ZNF713: variants seen among roughly 807,000 people sequenced by gnomAD.
ZNF713 encodes the protein zinc finger protein 713.
ZNF713 carries 21 observed loss-of-function variants against 28.7 expected under a neutral mutation model. The ratio of observed to expected loss-of-function variants is 0.73; its 90% CI spans 0.52 to 1.05. The LOEUF (loss-of-function observed/expected upper bound fraction) is 1.05. ZNF713 is among the 50% of genes least tolerant of loss of function. ZNF713 has a pLI of 0.00. For synonymous variants in ZNF713, 167 were observed against 178.0 expected (o/e 0.94, Z 0.49); for missense variants, 458 against 532.4 (o/e 0.86, Z 1.37).
At chr7:55,900,386 C>T (rs191686160) in intron 1 of ZNF713, among the ~76,000 whole-genome samples, 5 of 151,712 alleles carry the variant, frequency 3.3e-5, no homozygotes, top group East Asian at 1.9e-4. Context: ...GAGAAGTGCT[C>T]GAACCCGGGA....
At chr7:55,889,293 A>G (rs1158640802) in intron 1 of ZNF713, among the ~76,000 whole-genome samples, 1 of 151,874 alleles carries the variant, frequency 6.6e-6, no homozygotes, top group Admixed American at 6.6e-5. Context: ...GTAGAGACGG[A>G]GTTTCATCAT....
In ZNF713 at chr7:55,900,222, C is replaced by T. The variant is rs1322507172; in HGVS notation, c.-582-6031C>T. On this transcript the variant is annotated intron_variant, in intron 1 of 6. Transcript: ENST00000429591. ...GTGGCTCACCCCTGTAATCGCAGCA[C>T]TTTCTGGGAGGCCGAGGCAGGCGGA... Among the ~76,000 whole-genome samples the T allele has an allele frequency of 2.0e-5, 3 of 152,144 alleles. No individual in the cohort carries two copies. In the East Asian group the frequency reaches 5.8e-4, roughly 29 times the overall value.
intron 4 of ZNF713, among the ~76,000 whole-genome samples, chr7:55,917,435 C>T (rs759439922): frequency 6.6e-6 from 1 of 151,996 alleles, no homozygotes; most frequent in Non-Finnish European, 1.5e-5. Context: ...GACAGTGGCT[C>T]ATGCCTGTAA....
At chr7:55,909,373 A>G (rs1269503199) in intron 2 of ZNF713, among the ~76,000 whole-genome samples, 1 of 152,068 alleles carries the variant, frequency 6.6e-6, no homozygotes, top group African/African-American at 2.4e-5. Flanking sequence ...TATATGGATT[A>G]GCTATTCTGT....
Position 55,898,933 on chromosome 7 carries a change from C to T in ZNF713, c.-582-7320C>T, listed in dbSNP as rs1031821464. Among the ~76,000 whole-genome samples, 5 of 152,058 alleles carry T rather than the reference C, an allele frequency of 3.3e-5. 1 individual carries two copies. Among genetic ancestry groups the T allele is most frequent in the Admixed American group, 3.3e-4 (5 of 15,268 alleles). On this transcript the variant is annotated intron_variant, in intron 1 of 6. Transcript: ENST00000429591. Reference sequence around the variant, plus strand: ...AGAGCACTCACCCCTGTTAGAATGGCTTATTATCAAAAAGACAAAAGATAA... The same window carrying T: ...AGAGCACTCACCCCTGTTAGAATGGTTTATTATCAAAAAGACAAAAGATAA...
chr7:55,915,092 A>G (rs557431137), intron 4 of ZNF713, among the ~76,000 whole-genome samples: 2 of 152,296 alleles, frequency 1.3e-5, no homozygotes, highest in East Asian at 3.9e-4. Flanking sequence ...CAGCCTCCCA[A>G]AGTATTGGGA....
intron 6 of ZNF713, among the ~76,000 whole-genome samples, chr7:55,932,357 C>T (rs1030918898): frequency 2.1e-5 from 3 of 145,010 alleles, no homozygotes; most frequent in East Asian, 4.1e-4. Context: ...AGGGAGACTT[C>T]GTCTCTACCA....
intron 4 of ZNF713, among the ~76,000 whole-genome samples, chr7:55,920,286 A>C (rs1052041546): frequency 1.3e-4 from 20 of 152,272 alleles, no homozygotes; most frequent in Non-Finnish European, 2.8e-4. Flanking sequence ...GAAATAGGCC[A>C]AAAGCTTGGC....
At chr7:55,888,764 A>G (rs1002367260) in intron 1 of ZNF713, among the ~76,000 whole-genome samples, 31 of 79,908 alleles carry the variant, frequency 3.9e-4, no homozygotes, top group African/African-American at 1.7e-3. Flanking sequence ...TTTTTCATTT[A>G]AAATGTTTAG....
At chr7:55,915,057 G>A (rs1785855022) in intron 4 of ZNF713, among the ~76,000 whole-genome samples, 1 of 152,164 alleles carries the variant, frequency 6.6e-6, no homozygotes, top group Non-Finnish European at 1.5e-5. Flanking sequence ...GTTTCACCAT[G>A]TTGGCCAGGC....
chr7:55,914,859 A>T (rs543670693), intron 4 of ZNF713, among the ~76,000 whole-genome samples: 63 of 151,924 alleles, frequency 4.1e-4, no homozygotes, highest in African/African-American at 1.4e-3. Flanking sequence ...ATTTTATTTT[A>T]TTTTATTTTT....
intron 4 of ZNF713, among the ~76,000 whole-genome samples, chr7:55,919,490 GTTTTTTTTT>G (rs55656709): frequency 3.6e-4 from 24 of 66,762 alleles, no homozygotes; most frequent in Non-Finnish European, 5.9e-4. Context: ...AAACACTCCA[GTTTTTTTTT>G]TTTTTTTTTT....
At chr7:55,915,610 G>A (rs182113442) in intron 4 of ZNF713, among the ~76,000 whole-genome samples, 248 of 152,306 alleles carry the variant, frequency 1.6e-3, no homozygotes, top group Non-Finnish European at 2.1e-3. Flanking sequence ...TAGAACCTAC[G>A]AAAAGTAAGT....
At chr7:55,889,710 GTTTAA>G (rs201171378) in intron 1 of ZNF713, among the ~76,000 whole-genome samples, 3,224 of 152,218 alleles carry the variant, frequency 0.021, 38 homozygotes, top group Middle Eastern at 0.048. Flanking sequence ...CAAAAAAGCA[GTTTAA>G]TTTGAGTGCA....
At chr7:55,933,320 G>A (rs1001764057) in intron 6 of ZNF713, among the ~76,000 whole-genome samples, 3 of 151,970 alleles carry the variant, frequency 2.0e-5, no homozygotes, top group Non-Finnish European at 4.4e-5. Context: ...TGTTTGTGAC[G>A]GAGTTTCACT....
rs1785794980 is a variant in ZNF713, at chr7:55,912,070, T to C, written c.-3+2T>C. On this transcript the variant is annotated splice_donor_variant, in intron 3 of 6. Coordinates refer to ENST00000429591, the MANE Select transcript of ZNF713 (RefSeq NM_182633.3). LOFTEE classifies it low-confidence loss of function (5UTR_SPLICE). ...GAATCGAGAGACTCAAAAAGGAAGG[T>C]AAACACTTGGAAAAATCAGAATAGT... The C allele has an allele frequency of 6.6e-6, 1 of 152,280 alleles. No individual in the cohort carries two copies. Among genetic ancestry groups the C allele is most frequent in the South Asian group, 2.1e-4 (1 of 4,824 alleles). The allele number at this position is 152,280 out of a possible 1,614,324, so 9.4% of individuals were successfully genotyped here. A position where few individuals can be genotyped will look rare whatever the true frequency, so the allele number is the denominator to read the frequency against.
At position 55,939,939 on chromosome 7, in the gene ZNF713, G is replaced by A. The variant is rs201422199; in HGVS notation, c.1265G>A (p.Arg422Gln). The change falls in exon 7 of 7, where the codon CGG (arginine) becomes CAG (glutamine). Residue 422 changes from arginine (R) to glutamine (Q), a missense_variant. Transcript: ENST00000429591. ...AATCAACACAGGAAAATCCATACTCGGGAGAAATTATGTGAATATAAATGT... is the reference window on the plus strand; with the variant it reads ...AATCAACACAGGAAAATCCATACTCAGGAGAAATTATGTGAATATAAATGT... ...HLNQHRKIHT[R>Q]EKLCEYKCEQ... 1.2e-5 allele frequency: 19 copies of A among 1,613,052 alleles called. No individual in the cohort carries two copies. The highest frequency in any genetic ancestry group is 9.3e-5 in the African/African-American group (7 of 74,954).
chr7:55,917,269 AAAC>A (rs202209461), intron 4 of ZNF713, among the ~76,000 whole-genome samples: 21,347 of 151,428 alleles, frequency 0.14, 1,647 homozygotes, highest in Non-Finnish European at 0.17. Flanking sequence ...GGAAAAAAAA[AAAC>A]AACAAACTAT....
At chr7:55,908,134 T>TG (rs1785717749) in intron 2 of ZNF713, among the ~76,000 whole-genome samples, 2 of 76,862 alleles carry the variant, frequency 2.6e-5, no homozygotes, top group African/African-American at 1.3e-4. Flanking sequence ...CATCCGTTGT[T>TG]GTTTTTTTTT....
Sources: gnomAD v4.1 joint callset for allele counts (sites outside exome capture counted in the v4.1 genomes callset) on GRCh38, gnomAD v4.1.1 for gene constraint, MANE v1.5 for transcripts, NCBI Gene and HGNC (gene_info 2026-07-23, HGNC 2026-07-21) for gene names.